The following TUSC3 variants were observed in gnomAD, a reference collection of about 807,000 sequenced individuals.
The protein encoded by TUSC3 is tumor suppressor candidate 3, also known as dolichyl-diphosphooligosaccharide--protein glycosyltransferase subunit TUSC3.
A neutral mutation model predicts 44.8 loss-of-function variants in TUSC3; 45 were observed. The observed-to-expected ratio is 1.00, with a 90% CI of 0.79 to 1.29. The LOEUF (loss-of-function observed/expected upper bound fraction) is 1.29. Among genes scored for constraint, TUSC3 ranks in the 50% most tolerant of loss-of-function variants. The probability of loss-of-function intolerance (pLI) is 0.00; values close to 1 mark genes in which losing one functional copy is unlikely to be tolerated. For missense variants in TUSC3, 519 were observed against 437.9 expected (o/e 1.19, Z -1.65); for synonymous variants, 212 against 152.9 (o/e 1.39, Z -2.85).
At chr8:15,648,725 C>CCAAAAAAA (rs1806744703) in intron 2 of TUSC3, among the ~76,000 whole-genome samples, 4 of 26,152 alleles carry the variant, frequency 1.5e-4, no homozygotes, top group Non-Finnish European at 2.7e-4. Flanking sequence ...GACTCTGTGT[C>CCAAAAAAA]AAAAAAAAAA....
At chr8:15,641,361 C>CAAAAAAA (rs34446791) in intron 2 of TUSC3, among the ~76,000 whole-genome samples, 4 of 99,472 alleles carry the variant, frequency 4.0e-5, no homozygotes, top group Admixed American at 1.1e-4. Flanking sequence ...GACTCCGTCT[C>CAAAAAAA]AAAAAAAAAA....
At chr8:15,550,553 A>G (rs994884357) in intron 1 of TUSC3, among the ~76,000 whole-genome samples, 1 of 151,738 alleles carries the variant, frequency 6.6e-6, no homozygotes, top group Non-Finnish European at 1.5e-5. Context: ...TTATGCTGTC[A>G]GGGTCTTACC....
chr8:15,490,753 A>G (rs1415937053), intron 2 of TUSC3, among the ~76,000 whole-genome samples: 1 of 152,258 alleles, frequency 6.6e-6, no homozygotes, highest in Non-Finnish European at 1.5e-5. Flanking sequence ...ATTTAACAAA[A>G]TGAAAGAAAG....
intron 1 of TUSC3, among the ~76,000 whole-genome samples, chr8:15,454,724 A>G (rs901444720): frequency 1.3e-5 from 2 of 152,220 alleles, no homozygotes; most frequent in African/African-American, 2.4e-5. Flanking sequence ...TCAGGACCTA[A>G]TAAACTGGAC....
At chr8:15,851,189 C>G in the TUSC3 span, among the ~76,000 whole-genome samples, 8 of 152,102 alleles carry the variant, frequency 5.3e-5, no homozygotes, top group Non-Finnish European at 7.4e-5. Context: ...CTAGTTTGAC[C>G]AAAGCCTTGT....
chr8:15,730,572 T>A, intron 6 of TUSC3, 94 bp from the exon 7 acceptor site: 2 of 1,228,998 alleles, frequency 1.6e-6, no homozygotes, highest in Non-Finnish European at 2.3e-6. Flanking sequence ...AAAAATCGAA[T>A]TAGATTTTTC....
At chr8:15,759,570 T>C (rs1446451363) in intron 10 of TUSC3, among the ~76,000 whole-genome samples, 1 of 152,098 alleles carries the variant, frequency 6.6e-6, no homozygotes, top group African/African-American at 2.4e-5. Flanking sequence ...AACAAGCTTT[T>C]GATATACCCT....
chr8:15,433,623 C>T (rs1289489942), intron 1 of TUSC3, among the ~76,000 whole-genome samples: 3 of 151,946 alleles, frequency 2.0e-5, no homozygotes, highest in East Asian at 1.9e-4. Flanking sequence ...AGGGCTTAAG[C>T]GTTCCTCTGA....
At chr8:15,781,449 A>G in the TUSC3 span, among the ~76,000 whole-genome samples, 1 of 152,224 alleles carries the variant, frequency 6.6e-6, no homozygotes, top group Non-Finnish European at 1.5e-5. Context: ...TTAAACTGTC[A>G]AAAGGTAAAG....
At chr8:15,812,603 G>A in the TUSC3 span, among the ~76,000 whole-genome samples, 1 of 152,122 alleles carries the variant, frequency 6.6e-6, no homozygotes, top group Non-Finnish European at 1.5e-5. Flanking sequence ...CTCAACGGCT[G>A]CCACTTGTCC....
chr8:15,506,632 T>C (rs1801054613), intron 2 of TUSC3, among the ~76,000 whole-genome samples: 1 of 152,078 alleles, frequency 6.6e-6, no homozygotes. Flanking sequence ...GGCAAGAGAA[T>C]GTGTGCAGGG....
At chr8:15,830,929 A>T in the TUSC3 span, among the ~76,000 whole-genome samples, 1 of 152,362 alleles carries the variant, frequency 6.6e-6, no homozygotes, top group Non-Finnish European at 1.5e-5. Context: ...TAAAAATTAA[A>T]AAGGAAGCCA....
chr8:15,678,968 G>C (rs923920501), intron 6 of TUSC3, among the ~76,000 whole-genome samples: 2 of 152,126 alleles, frequency 1.3e-5, no homozygotes, highest in African/African-American at 2.4e-5. Context: ...AGTATTCCTT[G>C]GTGTATATGT....
At chr8:15,622,981 A>G (rs1805319872) in intron 1 of TUSC3, 99 bp from the exon 2 acceptor site, 3 of 1,229,812 alleles carry the variant, frequency 2.4e-6, no homozygotes, top group East Asian at 5.1e-5. Context: ...CTTGGATATC[A>G]TTAGGAAAAA....
chr8:15,814,368 A>G, the TUSC3 span, among the ~76,000 whole-genome samples: 10 of 152,210 alleles, frequency 6.6e-5, no homozygotes, highest in Non-Finnish European at 1.0e-4. Flanking sequence ...TGCAGGAAAA[A>G]AATCATATTT....
intron 1 of TUSC3, among the ~76,000 whole-genome samples, chr8:15,613,896 CCAAA>C (rs1804871438): frequency 6.6e-6 from 1 of 151,996 alleles, no homozygotes; most frequent in Non-Finnish European, 1.5e-5. Flanking sequence ...AAAGGGACAC[CCAAA>C]CAGAGAAGTT....
At chr8:15,692,371 C>CCCCCCCTTTT (rs1563175839) in intron 6 of TUSC3, among the ~76,000 whole-genome samples, 1 of 18,818 alleles carries the variant, frequency 5.3e-5, no homozygotes, top group Non-Finnish European at 1.0e-4. Context: ...CCCCCCCCCC[C>CCCCCCCTTTT]TTTGTTTTTT....
At chr8:15,514,539 G>A (rs116438239) in intron 2 of TUSC3, among the ~76,000 whole-genome samples, 1 of 152,092 alleles carries the variant, frequency 6.6e-6, no homozygotes, top group African/African-American at 2.4e-5. Flanking sequence ...TGCTGAAAAC[G>A]GAACTCCGCT....
chr8:15,629,208 A>T (rs909758706), intron 2 of TUSC3, among the ~76,000 whole-genome samples: 4 of 152,184 alleles, frequency 2.6e-5, no homozygotes, highest in Non-Finnish European at 4.4e-5. Flanking sequence ...TGAAGAGGAA[A>T]AAAGTGAGAT....
Sources: allele counts gnomAD v4.1 joint callset (sites outside exome capture counted in the v4.1 genomes callset), GRCh38; gene constraint gnomAD v4.1.1; transcripts MANE v1.5; gene names NCBI Gene and HGNC (gene_info 2026-07-23, HGNC 2026-07-21).